ALLC: variants seen among roughly 807,000 people sequenced by gnomAD.
ALLC encodes probable inactive allantoicase.
Under a neutral mutation model 45.0 loss-of-function variants are expected in ALLC, and 40 were observed. That is an observed-to-expected ratio of 0.89 (90% CI 0.69 to 1.16). The LOEUF is 1.16. Among genes scored for constraint, ALLC ranks in the 50% most tolerant of loss-of-function variants. The pLI, the probability that ALLC is intolerant of heterozygous loss-of-function variation, is 0.00. For missense variants in ALLC, 488 were observed against 493.1 expected, an observed-to-expected ratio of 0.99 and a Z score of 0.10; for synonymous variants, 176 against 178.1, an observed-to-expected ratio of 0.99 and a Z score of 0.09.
At chr2:3,651,985 C>T in the ALLC span, among the ~76,000 whole-genome samples, 5 of 152,230 alleles carry the variant, frequency 3.3e-5, no homozygotes, top group African/African-American at 1.2e-4. Flanking sequence ...CAACCCGGCT[C>T]AGCTCAGCAG....
intron 7 of ALLC, among the ~76,000 whole-genome samples, chr2:3,692,869 T>G (rs1667559437): frequency 6.6e-6 from 1 of 152,130 alleles, no homozygotes; most frequent in Non-Finnish European, 1.5e-5. Context: ...GGTAGGACCC[T>G]GTCCCATGAG....
At chr2:3,647,439 G>T in the ALLC span, among the ~76,000 whole-genome samples, 1 of 152,118 alleles carries the variant, frequency 6.6e-6, no homozygotes, top group East Asian at 1.9e-4. Context: ...GGGCCTGCCT[G>T]CTTCTCCCAT....
upstream of ALLC, among the ~76,000 whole-genome samples, chr2:3,654,900 T>C (rs1666408912): frequency 6.6e-6 from 1 of 152,244 alleles, no homozygotes; most frequent in African/African-American, 2.4e-5. Context: ...GCGCTTTGCA[T>C]TGGCTGTGTA....
chr2:3,678,114 C>T (rs539237140), intron 3 of ALLC, among the ~76,000 whole-genome samples: 26 of 152,306 alleles, frequency 1.7e-4, no homozygotes, highest in African/African-American at 6.3e-4. Flanking sequence ...TCTACCTGGC[C>T]TGCTTGGAAA....
chr2:3,691,073 C>A (rs548742681), intron 7 of ALLC, among the ~76,000 whole-genome samples: 2 of 151,626 alleles, frequency 1.3e-5, no homozygotes, highest in Non-Finnish European at 2.9e-5. Context: ...TGAAAGATAG[C>A]TTTTCTAGAT....
intron 1 of ALLC, 146 bp from the exon 2 acceptor site, chr2:3,670,950 G>A: frequency 1.7e-6 from 1 of 584,892 alleles, no homozygotes; most frequent in Non-Finnish European, 3.0e-6. Context: ...TGAGCAGAGG[G>A]CACCTGTCAG....
At chr2:3,682,671 G>T (rs546540631) in intron 6 of ALLC, among the ~76,000 whole-genome samples, 1 of 151,986 alleles carries the variant, frequency 6.6e-6, no homozygotes, top group Non-Finnish European at 1.5e-5. Flanking sequence ...GACTACAGGC[G>T]CCCGCCACCA....
intron 2 of ALLC, among the ~76,000 whole-genome samples, chr2:3,673,726 C>T (rs1320076722): frequency 6.6e-6 from 1 of 152,194 alleles, no homozygotes; most frequent in African/African-American, 2.4e-5. Flanking sequence ...ATACGTAACC[C>T]AGAGCTTTTT....
At chr2:3,662,817 C>CA (rs1397048864) in intron 1 of ALLC, among the ~76,000 whole-genome samples, 2 of 152,172 alleles carry the variant, frequency 1.3e-5, no homozygotes, top group African/African-American at 4.8e-5. Context: ...TTTGCTGGAA[C>CA]ACAGGTGCCT....
chr2:3,696,205 T>C (rs1667666450), intron 8 of ALLC, 70 bp from the exon 9 acceptor site: 2 of 1,251,812 alleles, frequency 1.6e-6, no homozygotes, highest in Admixed American at 4.2e-5. Flanking sequence ...TGTAATTTAA[T>C]TACAGCAATG....
chr2:3,674,346 C>A (rs13401122), intron 3 of ALLC, among the ~76,000 whole-genome samples: 34,113 of 152,026 alleles, frequency 0.22, 4,049 homozygotes, highest in African/African-American at 0.28. Context: ...GCATTGTTTC[C>A]TGGGGAAAAT....
intron 1 of ALLC, among the ~76,000 whole-genome samples, chr2:3,663,954 C>T (rs183339859): frequency 1.3e-5 from 2 of 152,294 alleles, no homozygotes; most frequent in African/African-American, 2.4e-5. Flanking sequence ...GACTGAAGAA[C>T]TGGATTTTGA....
chr2:3,646,717 C>T, the ALLC span, among the ~76,000 whole-genome samples: 2 of 152,210 alleles, frequency 1.3e-5, no homozygotes, highest in East Asian at 1.9e-4. Context: ...TGCGTATATC[C>T]TTCTGGTGCT....
intron 1 of ALLC, among the ~76,000 whole-genome samples, chr2:3,659,126 G>A (rs746074160): frequency 2.0e-5 from 3 of 152,020 alleles, no homozygotes; most frequent in Non-Finnish European, 4.4e-5. Flanking sequence ...AGGCTTCTTC[G>A]GAACTTATTG....
rs369050894 is a variant in ALLC, at chr2:3,681,630, A to G, written c.299-4A>G. 4.7e-5 allele frequency: 76 copies of G among 1,605,248 alleles called. 1 individual carries two copies. The African/African-American group carries it at 9.1e-4, about 19-fold the overall frequency. ...TTAATCCTGAATGGTCATTCCAACT[A>G]CAGATAAACTACCAGAAATCCCAGA... On this transcript the variant is annotated splice_region_variant and splice_polypyrimidine_tract_variant and intron_variant, in intron 5 of 11. Coordinates refer to ENST00000252505, the MANE Select transcript of ALLC (RefSeq NM_018436.4).
chr2:3,682,585 G>GA (rs1301037184), intron 6 of ALLC, among the ~76,000 whole-genome samples: 2 of 152,138 alleles, frequency 1.3e-5, no homozygotes, highest in Non-Finnish European at 2.9e-5. Context: ...GAGTGCAGGG[G>GA]CGCGATCTCG....
upstream of ALLC, among the ~76,000 whole-genome samples, chr2:3,655,445 G>A (rs189307076): frequency 9.9e-5 from 15 of 152,252 alleles, no homozygotes; most frequent in Non-Finnish European, 1.9e-4. Flanking sequence ...GACTGTCAAA[G>A]GAATGACTAG....
intron 1 of ALLC, among the ~76,000 whole-genome samples, chr2:3,659,611 C>T (rs970754780): frequency 1.6e-4 from 25 of 152,326 alleles, no homozygotes; most frequent in African/African-American, 4.8e-4. Flanking sequence ...CAGCCGAGGT[C>T]GCGTGGCTCC....
At chr2:3,670,913 CAA>C (rs1324717188) in intron 1 of ALLC, among the ~76,000 whole-genome samples, 181 bp from the exon 2 acceptor site, 4 of 131,856 alleles carry the variant, frequency 3.0e-5, no homozygotes, top group African/African-American at 1.2e-4. Context: ...CGTGTTTAAG[CAA>C]AGTCTCTTTT....
Sources: allele counts gnomAD v4.1 joint callset (sites outside exome capture counted in the v4.1 genomes callset), GRCh38; gene constraint gnomAD v4.1.1; transcripts MANE v1.5; gene names NCBI Gene and HGNC (gene_info 2026-07-23, HGNC 2026-07-21).